PPP3R1: variants seen among roughly 807,000 people sequenced by gnomAD.
The protein encoded by PPP3R1 is calcineurin subunit B type 1.
In PPP3R1, 5 loss-of-function variants were observed where a neutral mutation model predicts 22.6. The observed-to-expected ratio is 0.22, with a 90% CI of 0.12 to 0.46. The LOEUF (loss-of-function observed/expected upper bound fraction) is 0.46, where lower values mean the gene tolerates loss of function less well. PPP3R1 is among the 20% of genes least tolerant of loss of function. The pLI is 0.99. For synonymous variants in PPP3R1, 56 were observed against 65.2 expected, an observed-to-expected ratio of 0.86 and a Z score of 0.68; for missense variants, 61 against 203.2, an observed-to-expected ratio of 0.30 and a Z score of 4.25.
intron 1 of PPP3R1, among the ~76,000 whole-genome samples, chr2:68,238,293 A>G (rs1670054413): frequency 6.6e-6 from 1 of 152,188 alleles, no homozygotes; most frequent in African/African-American, 2.4e-5. Flanking sequence ...GAAATATGGA[A>G]TGTACTACAG....
chr2:68,249,633 A>ATT (rs1223030919), intron 1 of PPP3R1, among the ~76,000 whole-genome samples: 16 of 148,428 alleles, frequency 1.1e-4, no homozygotes, highest in Admixed American at 1.0e-3. Context: ...TATTTACAAG[A>ATT]TTTTTTTTTT....
chr2:68,181,001 C>G lies in PPP3R1; in HGVS notation c.475G>C (p.Gly159Arg). 1 of 1,613,212 alleles carries G rather than the reference C, an allele frequency of 6.2e-7. No homozygotes were observed. Among genetic ancestry groups the G allele is most frequent in the Non-Finnish European group, 8.5e-7 (1 of 1,179,222 alleles). ...ACCATCTTTTTGTGGATATCTAGGCCACCTACAACCTGCAACAGACAGGAA... is the reference window on the plus strand; with the variant it reads ...ACCATCTTTTTGTGGATATCTAGGCGACCTACAACCTGCAACAGACAGGAA... ...SFEEFCAVVG[G>R]LDIHKKMVVD... The change falls in exon 6 of 6, where the codon GGC (glycine) becomes CGC (arginine). Residue 159 changes from glycine (G) to arginine (R), a missense_variant. Coordinates refer to ENST00000234310, the MANE Select transcript of PPP3R1 (RefSeq NM_000945.4).
chr2:68,217,186 A>AT, intron 1 of PPP3R1, 55 bp from the exon 2 acceptor site: 1 of 1,276,358 alleles, frequency 7.8e-7, no homozygotes, highest in Non-Finnish European at 1.1e-6. Context: ...TTTGTTTAAA[A>AT]TATTAAACCT....
At chr2:68,235,168 G>C (rs576546084) in intron 1 of PPP3R1, among the ~76,000 whole-genome samples, 3 of 152,302 alleles carry the variant, frequency 2.0e-5, no homozygotes, top group East Asian at 3.9e-4. Flanking sequence ...GCTTTGGCTT[G>C]CTGGTCAATA....
intron 1 of PPP3R1, among the ~76,000 whole-genome samples, chr2:68,219,398 C>G (rs545399809): frequency 6.6e-6 from 1 of 152,262 alleles, no homozygotes; most frequent in African/African-American, 2.4e-5. Flanking sequence ...TTAGTAAAAA[C>G]AGGAGTTTTG....
chr2:68,207,816 G>T (rs982779406), intron 2 of PPP3R1, among the ~76,000 whole-genome samples: 3 of 152,150 alleles, frequency 2.0e-5, no homozygotes, highest in African/African-American at 7.2e-5. Flanking sequence ...ATGGTAAACA[G>T]AAGCTCAATT....
intron 5 of PPP3R1, among the ~76,000 whole-genome samples, chr2:68,183,132 C>T (rs1674449922): frequency 6.6e-6 from 1 of 152,174 alleles, no homozygotes; most frequent in Admixed American, 6.5e-5. Context: ...GCACATCCTC[C>T]AGTAGTTTCC....
At chr2:68,209,617 G>C (rs1669435172) in intron 2 of PPP3R1, among the ~76,000 whole-genome samples, 2 of 151,820 alleles carry the variant, frequency 1.3e-5, no homozygotes, top group Admixed American at 6.6e-5. Context: ...ACTTAGCCAG[G>C]AGTGGTGGTA....
At chr2:68,251,487 C>T (rs2103823463) in intron 1 of PPP3R1, among the ~76,000 whole-genome samples, 1 of 152,280 alleles carries the variant, frequency 6.6e-6, no homozygotes, top group South Asian at 2.1e-4. Flanking sequence ...CTTTCCGGTT[C>T]GCCAGGGCAG....
At chr2:68,245,458 A>C (rs1670217836) in intron 1 of PPP3R1, among the ~76,000 whole-genome samples, 1 of 152,218 alleles carries the variant, frequency 6.6e-6, no homozygotes, top group African/African-American at 2.4e-5. Context: ...CAAATTAACT[A>C]TCTAAAACCA....
rs115945735 is a variant in PPP3R1 at position 68,238,474 on chromosome 2, A to G, written c.3+13651T>C. Among the ~76,000 whole-genome samples, 279 of 152,312 alleles carry G rather than the reference A, an allele frequency of 1.8e-3. 2 individuals are homozygous for G. Among genetic ancestry groups the G allele is most frequent in the African/African-American group, 6.5e-3 (270 of 41,556 alleles). ...TGAAAAAGGATAAGGAATCTGAGAA[A>G]GCAGCAGTTTGAACCAGTTACAGCA... On this transcript the variant is annotated intron_variant, in intron 1 of 5. Transcript: ENST00000234310.
intron 2 of PPP3R1, among the ~76,000 whole-genome samples, chr2:68,204,468 T>A (rs1418069913): frequency 6.6e-6 from 1 of 152,046 alleles, no homozygotes; most frequent in East Asian, 1.9e-4. Flanking sequence ...GACTATATAA[T>A]ACTATGATTA....
At position 68,209,999 on chromosome 2, in the gene PPP3R1, A is replaced by G. The variant is rs145493561; in HGVS notation, c.43+7093T>C. Among the ~76,000 whole-genome samples, 513 of 152,328 alleles carry G rather than the reference A, an allele frequency of 3.4e-3. 1 individual carries two copies. The highest frequency in any genetic ancestry group is 7.1e-3 in the Admixed American group (109 of 15,298). On this transcript the variant is annotated intron_variant, in intron 2 of 5. Transcript: ENST00000234310. Reference sequence around the variant, plus strand: ...GGAAAAAAAAGGAGATTGCTGAAACATAATGAGCAATGGGGAAAGTGGTCT... The same window carrying G: ...GGAAAAAAAAGGAGATTGCTGAAACGTAATGAGCAATGGGGAAAGTGGTCT...
chr2:68,243,157 G>T (rs913156757), intron 1 of PPP3R1, among the ~76,000 whole-genome samples: 1 of 152,050 alleles, frequency 6.6e-6, no homozygotes, highest in East Asian at 1.9e-4. Context: ...AACAGTATAG[G>T]AATCTATGAA....
chr2:68,206,070 G>T (rs1313982837), intron 2 of PPP3R1, among the ~76,000 whole-genome samples: 4 of 152,064 alleles, frequency 2.6e-5, no homozygotes, highest in Non-Finnish European at 5.9e-5. Flanking sequence ...CGCCCGCCTC[G>T]GCCTCCCAAA....
intron 2 of PPP3R1, among the ~76,000 whole-genome samples, chr2:68,211,416 A>AAAAAAAC (rs1553406623): frequency 6.6e-6 from 1 of 151,432 alleles, no homozygotes; most frequent in Non-Finnish European, 1.5e-5. Flanking sequence ...CAAAAAAAAA[A>AAAAAAAC]AAAAAAAAAC....
intron 2 of PPP3R1, among the ~76,000 whole-genome samples, chr2:68,198,236 T>C (rs955770759): frequency 4.4e-5 from 5 of 114,274 alleles, no homozygotes; most frequent in Non-Finnish European, 7.4e-5. Flanking sequence ...CATATATGTA[T>C]ACACATATGT....
At chr2:68,232,255 GTGTGTGTGTGTATA>G (rs1489825432) in intron 1 of PPP3R1, among the ~76,000 whole-genome samples, 940 of 70,144 alleles carry the variant, frequency 0.013, 10 homozygotes, top group African/African-American at 0.049. Flanking sequence ...GTGTGTGTGT[GTGTGTGTGTGTATA>G]TATATATACA....
At position 68,250,676 on chromosome 2, in the gene PPP3R1, G is replaced by C. The variant is rs533200225; in HGVS notation, c.3+1449C>G. On this transcript the variant is annotated intron_variant, in intron 1 of 5. Transcript: ENST00000234310. ...TTTCAGGTGCCAAAGTTGCCTCTCTGAGCTGCCTCGCAAGTTGGCAAGGAA... is the reference window on the plus strand; with the variant it reads ...TTTCAGGTGCCAAAGTTGCCTCTCTCAGCTGCCTCGCAAGTTGGCAAGGAA... Among the ~76,000 whole-genome samples the C allele has an allele frequency of 5.3e-4, 80 of 152,328 alleles. No individual in the cohort carries two copies. In the South Asian group the frequency reaches 6.2e-3, roughly 12 times the overall value.
Sources: allele counts gnomAD v4.1 joint callset (sites outside exome capture counted in the v4.1 genomes callset), GRCh38; gene constraint gnomAD v4.1.1; transcripts MANE v1.5; gene names NCBI Gene and HGNC (gene_info 2026-07-23, HGNC 2026-07-21).